Variants in RFX4 observed in about 807,000 individuals in gnomAD.
RFX4 encodes transcription factor RFX4.
A neutral mutation model predicts 95.0 loss-of-function variants in RFX4; 10 were observed. That is an observed-to-expected ratio of 0.11 (90% CI 0.06 to 0.18). The LOEUF (loss-of-function observed/expected upper bound fraction) is 0.18, where lower values mean the gene tolerates loss of function less well. Among genes scored for constraint, RFX4 ranks in the 10% least tolerant of loss-of-function variants. The pLI, the probability that RFX4 is intolerant of heterozygous loss-of-function variation, is 1.00. For synonymous variants in RFX4, 321 were observed against 340.7 expected, an observed-to-expected ratio of 0.94 and a Z score of 0.64; for missense variants, 640 against 922.0, an observed-to-expected ratio of 0.69 and a Z score of 3.96.
intron 2 of RFX4, among the ~76,000 whole-genome samples, chr12:106,627,363 C>T (rs1036982321): frequency 1.3e-5 from 2 of 152,056 alleles, no homozygotes; most frequent in African/African-American, 2.4e-5. Flanking sequence ...GGTGAAAACC[C>T]GTCTCTACTA....
chr12:106,596,592 A>G (rs1427892429), intron 1 of RFX4, among the ~76,000 whole-genome samples: 2 of 152,234 alleles, frequency 1.3e-5, no homozygotes, highest in Non-Finnish European at 2.9e-5. Flanking sequence ...CACCTGGTAA[A>G]ACCAGTAAGA....
At chr12:106,657,900 C>T (rs111929633) in intron 4 of RFX4, among the ~76,000 whole-genome samples, 2 of 151,992 alleles carry the variant, frequency 1.3e-5, no homozygotes, top group Admixed American at 1.3e-4. Context: ...AGTTTTCTCT[C>T]TATATATAGA....
chr12:106,614,900 T>C (rs1317922422), intron 2 of RFX4, among the ~76,000 whole-genome samples: 3 of 152,242 alleles, frequency 2.0e-5, no homozygotes, highest in African/African-American at 7.2e-5. Context: ...TATTAATATT[T>C]GTCAGGTAAA....
chr12:106,631,740 G>C lies in RFX4; in HGVS notation c.131-7592G>C, dbSNP rs1057383438. On this transcript the variant is annotated intron_variant, in intron 2 of 17. Transcript: ENST00000392842. ...AATTTCTGTGTCTAAAAACCACCCAGTCTGTGGTATTTTGTTACAGCAGCC... is the reference window on the plus strand; with the variant it reads ...AATTTCTGTGTCTAAAAACCACCCACTCTGTGGTATTTTGTTACAGCAGCC... Among the ~76,000 whole-genome samples, 7 of 152,196 alleles carry C rather than the reference G, an allele frequency of 4.6e-5. No individual in the cohort carries two copies. In the East Asian group the frequency reaches 1.3e-3, roughly 29 times the overall value.
chr12:106,657,600 T>C (rs1221994382), intron 4 of RFX4, among the ~76,000 whole-genome samples: 4 of 152,218 alleles, frequency 2.6e-5, no homozygotes, highest in Non-Finnish European at 5.9e-5. Flanking sequence ...CTGCTTTCGC[T>C]GTTAAGGGTA....
chr12:106,623,117 C>A (rs942239116), intron 2 of RFX4, among the ~76,000 whole-genome samples: 2 of 148,366 alleles, frequency 1.3e-5, no homozygotes, highest in Non-Finnish European at 3.0e-5. Flanking sequence ...CGGCTCACTG[C>A]AAGCTCCGCC....
chr12:106,660,222 A>C (rs2041044910), intron 4 of RFX4, among the ~76,000 whole-genome samples: 1 of 152,004 alleles, frequency 6.6e-6, no homozygotes, highest in Non-Finnish European at 1.5e-5. Flanking sequence ...ATATATACAC[A>C]TGAGTGACTG....
chr12:106,756,699 A>G (rs1348623543), intron 17 of RFX4, among the ~76,000 whole-genome samples: 1 of 152,216 alleles, frequency 6.6e-6, no homozygotes, highest in African/African-American at 2.4e-5. Context: ...GAGGATAATT[A>G]TGGTATCTAT....
At chr12:106,736,910 A>C (rs2042719250) in intron 15 of RFX4, among the ~76,000 whole-genome samples, 1 of 152,036 alleles carries the variant, frequency 6.6e-6, no homozygotes, top group African/African-American at 2.4e-5. Flanking sequence ...GCCTCCTCAA[A>C]GTGCTGGGGC....
At chr12:106,750,609 G>A (rs371970447) in intron 16 of RFX4, 46 bp from the exon 17 acceptor site, 20 of 1,480,690 alleles carry the variant, frequency 1.4e-5, no homozygotes, top group Non-Finnish European at 1.7e-5. Context: ...AAACTGATCT[G>A]TTCTTGCTAT....
At chr12:106,677,007 G>A (rs190091958) in intron 4 of RFX4, among the ~76,000 whole-genome samples, 7 of 152,272 alleles carry the variant, frequency 4.6e-5, no homozygotes, top group African/African-American at 1.7e-4. Flanking sequence ...GCTTTGTGCA[G>A]GTTGCTTAGC....
intron 3 of RFX4, among the ~76,000 whole-genome samples, chr12:106,645,174 CCAAA>C (rs1370335086): frequency 1.3e-5 from 2 of 152,176 alleles, no homozygotes; most frequent in Non-Finnish European, 2.9e-5. Flanking sequence ...ATGCCTTCTG[CCAAA>C]CACTTTCCAG....
At position 106,696,350 on chromosome 12, in the gene RFX4, C is replaced by G. The variant is rs1319128839; in HGVS notation, c.737C>G (p.Ser246Cys). Residue 246 changes from serine to cysteine, a missense_variant, in exon 8 of 18, where the codon TCC becomes TGC. This residue lies in a region of RFX4 where 96 missense variants were observed against 183.7 expected (regional missense o/e 0.52). Transcript: ENST00000392842. ...PPHMLPVLGS[S>C]TVVNIVGVCD... is the part of the protein sequence containing the mutation. ...CACATGCTGCCTGTGCTGGGCTCCT[C>G]CACGGTGGTGAACATTGTCGGCGTG... 6 of 1,614,046 alleles carry G rather than the reference C, an allele frequency of 3.7e-6. No homozygotes were observed. Among genetic ancestry groups the G allele is most frequent in the Non-Finnish European group, 3.4e-6 (4 of 1,180,036 alleles).
chr12:106,717,510 G>C (rs769516237), intron 11 of RFX4, among the ~76,000 whole-genome samples: 2 of 152,212 alleles, frequency 1.3e-5, no homozygotes, highest in Non-Finnish European at 2.9e-5. Context: ...GGGCAGAATG[G>C]TGCCCTTTAA....
chr12:106,666,591 G>C (rs192553608), intron 4 of RFX4, among the ~76,000 whole-genome samples: 38 of 151,994 alleles, frequency 2.5e-4, no homozygotes, highest in African/African-American at 8.7e-4. Context: ...TGGATGTTCT[G>C]TTCGGTTTTT....
At chr12:106,619,411 A>G (rs549685601) in intron 2 of RFX4, among the ~76,000 whole-genome samples, 1 of 152,182 alleles carries the variant, frequency 6.6e-6, no homozygotes, top group East Asian at 1.9e-4. Context: ...TTATCATTCC[A>G]CTGTCTTCTG....
At chr12:106,672,119 C>T (rs185252659) in intron 4 of RFX4, among the ~76,000 whole-genome samples, 41 of 152,204 alleles carry the variant, frequency 2.7e-4, no homozygotes, top group African/African-American at 9.2e-4. Context: ...CATGCCATCT[C>T]GGAAATTCTT....
At chr12:106,733,409 G>T (rs770812847) in intron 15 of RFX4, 2 of 251,984 alleles carry the variant, frequency 7.9e-6, no homozygotes, top group Non-Finnish European at 7.7e-6. Flanking sequence ...TCCTGGATTT[G>T]TGAATGACGT....
chr12:106,759,361 C>T (rs1370365611), intron 17 of RFX4, among the ~76,000 whole-genome samples: 2 of 152,140 alleles, frequency 1.3e-5, no homozygotes, highest in African/African-American at 4.8e-5. Flanking sequence ...CCAGGGAGAG[C>T]ACCAGGAGGT....
Sources: gnomAD v4.1 joint callset for allele counts (sites outside exome capture counted in the v4.1 genomes callset) on GRCh38, gnomAD v4.1.1 for gene constraint, gnomAD v4.1.1 regional missense constraint, MANE v1.5 for transcripts, NCBI Gene and HGNC (gene_info 2026-07-23, HGNC 2026-07-21) for gene names.